KCNAB2: variants seen among roughly 807,000 people sequenced by gnomAD.
KCNAB2 encodes the protein potassium voltage-gated channel subfamily A regulatory beta subunit 2, also known as voltage-gated potassium channel subunit beta-2.
Under a neutral mutation model 63.6 loss-of-function variants are expected in KCNAB2, and 29 were observed. That is an observed-to-expected ratio of 0.46 (90% CI 0.34 to 0.62). The LOEUF (loss-of-function observed/expected upper bound fraction) is 0.62. Ranked by LOEUF, KCNAB2 falls within the 20% of genes least tolerant of loss-of-function variation. The probability of loss-of-function intolerance (pLI) is 0.01; values close to 1 mark genes in which losing one functional copy is unlikely to be tolerated. For missense variants in KCNAB2, 359 were observed against 563.9 expected, an observed-to-expected ratio of 0.64 and a Z score of 3.68; for synonymous variants, 222 against 224.2, an observed-to-expected ratio of 0.99 and a Z score of 0.09.
chr1:6,054,521 T>G (rs527754221), intron 2 of KCNAB2, among the ~76,000 whole-genome samples: 4 of 152,094 alleles, frequency 2.6e-5, no homozygotes, highest in Non-Finnish European at 5.9e-5. Context: ...TCCCAGCTAT[T>G]CGGGAGGCTG....
In KCNAB2 at chr1:6,048,142, C is replaced by G. The variant is rs562806927; in HGVS notation, c.-27+1959C>G. 2.6e-5 allele frequency among the ~76,000 whole-genome samples: 4 copies of G among 152,358 alleles called. No individual in the cohort carries two copies. In the East Asian group the frequency reaches 7.7e-4, roughly 29 times the overall value. ...TCTTGTTGTGAAGGGGGCGATTATT[C>G]ACATCTGTGTTCTCTTCCCTTAAGC... On this transcript the variant is annotated intron_variant, in intron 1 of 15. Coordinates refer to ENST00000378083, the MANE Select transcript of KCNAB2 (RefSeq NM_001199862.2).
Position 6,098,632 on chromosome 1 carries a change from G to C in KCNAB2, c.*58G>C. ...GTTCCCTCCTAGTCTCTGTTCGCTCGCTTAAGCTGTTTTGAAGCCAAGTGA... is the reference window on the plus strand; with the variant it reads ...GTTCCCTCCTAGTCTCTGTTCGCTCCCTTAAGCTGTTTTGAAGCCAAGTGA... On this transcript the variant is annotated 3_prime_UTR_variant, in exon 16 of 16. Transcript: ENST00000378083. 1.9e-6 allele frequency: 3 copies of C among 1,584,604 alleles called. No individual in the cohort carries two copies. The highest frequency in any genetic ancestry group is 2.6e-6 in the Non-Finnish European group (3 of 1,163,342).
At chr1:6,021,077 C>T (rs1172193253) in intron 1 of KCNAB2, among the ~76,000 whole-genome samples, 2 of 152,232 alleles carry the variant, frequency 1.3e-5, no homozygotes, top group South Asian at 2.1e-4. Flanking sequence ...ACTGCAGCCT[C>T]GACCTTCCAG....
intron 2 of KCNAB2, among the ~76,000 whole-genome samples, chr1:6,066,972 T>G (rs1557475611): frequency 6.6e-6 from 1 of 152,234 alleles, no homozygotes; most frequent in Non-Finnish European, 1.5e-5. Flanking sequence ...CGACCACTCA[T>G]GTCAGGAGCA....
chr1:6,063,409 ATTT>A (rs34378538), intron 2 of KCNAB2, among the ~76,000 whole-genome samples: 10,255 of 137,708 alleles, frequency 0.074, 1,104 homozygotes, highest in African/African-American at 0.25. Flanking sequence ...TGTGCCAGTA[ATTT>A]TTTTTTTTTT....
chr1:6,002,947 A>G (rs987570347), intron 1 of KCNAB2, among the ~76,000 whole-genome samples: 12 of 152,142 alleles, frequency 7.9e-5, no homozygotes, highest in Non-Finnish European at 1.6e-4. Context: ...TCCCCTCCAC[A>G]CATTTGTTCT....
chr1:6,067,756 G>A (rs1387986719), intron 2 of KCNAB2, among the ~76,000 whole-genome samples: 1 of 152,204 alleles, frequency 6.6e-6, no homozygotes, highest in African/African-American at 2.4e-5. Context: ...AGAGCCAGGA[G>A]AGGTGGCTCA....
At chr1:6,082,555 G>A (rs1413880038) in intron 5 of KCNAB2, among the ~76,000 whole-genome samples, 1 of 152,140 alleles carries the variant, frequency 6.6e-6, no homozygotes, top group Non-Finnish European at 1.5e-5. Context: ...AGGCGCGATG[G>A]AGCTGCTGTC....
At chr1:6,033,557 G>A (rs1408133932), upstream of KCNAB2, among the ~76,000 whole-genome samples, 1 of 152,224 alleles carries the variant, frequency 6.6e-6, no homozygotes, top group Non-Finnish European at 1.5e-5. Context: ...ATGCATACAA[G>A]TGAGACAAGA....
chr1:6,056,254 A>G (rs1012416399), intron 2 of KCNAB2, among the ~76,000 whole-genome samples: 4 of 152,178 alleles, frequency 2.6e-5, no homozygotes, highest in African/African-American at 9.7e-5. Flanking sequence ...CACGTTGGCC[A>G]GGCTGATCTC....
intron 15 of KCNAB2, 152 bp downstream of exon 15, chr1:6,097,509 C>A: frequency 7.2e-7 from 1 of 1,391,650 alleles, no homozygotes; most frequent in South Asian, 1.2e-5. Context: ...GGAGAGCTTG[C>A]TTTCCAGCAG....
At chr1:6,049,083 T>C (rs1661180155) in intron 1 of KCNAB2, among the ~76,000 whole-genome samples, 1 of 152,220 alleles carries the variant, frequency 6.6e-6, no homozygotes, top group African/African-American at 2.4e-5. Flanking sequence ...ATGCAACTCC[T>C]GGCATGGGAA....
Position 6,095,452 on chromosome 1 carries a change from C to T in KCNAB2, c.853+9C>T. 6.2e-7 allele frequency: 1 copy of T among 1,612,718 alleles called. No individual in the cohort carries two copies. The highest frequency in any genetic ancestry group is 8.5e-7 in the Non-Finnish European group (1 of 1,179,900). ...GCTGTTCCACAAGATAGGTGGGCAC[C>T]CTCGGGCCCCTCGCCCCGCCCCACC... On this transcript the variant is annotated intron_variant, in intron 12 of 15. Transcript: ENST00000378083.
intron 1 of KCNAB2, among the ~76,000 whole-genome samples, chr1:6,004,363 G>GC (rs1159377326): frequency 6.6e-5 from 10 of 151,994 alleles, no homozygotes; most frequent in African/African-American, 2.4e-4. Context: ...ACCCAGCTTG[G>GC]TTAGAGGGTT....
At position 6,005,417 on chromosome 1, in the gene KCNAB2, TGGA is replaced by T. The variant is rs1192070965; in HGVS notation, c.-53+12631_-53+12633del. ...TGGGAGCTGAGCTGAGGGGTGGGGG[TGGA>T]GTTGTGGGTTGTGTGAGCTGAGCTG... On this transcript the variant is annotated intron_variant, in intron 1 of 16. Coordinates refer to the KCNAB2 transcript ENST00000341524. Among the ~76,000 whole-genome samples, 59 of 60,492 alleles carry T rather than the reference TGGA, an allele frequency of 9.8e-4. 15 individuals carry two copies. Among genetic ancestry groups the T allele is most frequent in the African/African-American group, 4.8e-3 (56 of 11,586 alleles). 39.7% of individuals were successfully genotyped at this position (60,492 alleles called of 152,430 possible).
chr1:6,029,621 G>A (rs530788827), upstream of KCNAB2, among the ~76,000 whole-genome samples: 6 of 152,254 alleles, frequency 3.9e-5, no homozygotes, highest in East Asian at 1.9e-4. Context: ...TGCAGCCCCC[G>A]CTGCACACCC....
chr1:6,072,178 C>G (rs1663260167), intron 2 of KCNAB2, among the ~76,000 whole-genome samples: 1 of 152,200 alleles, frequency 6.6e-6, no homozygotes, highest in Admixed American at 6.5e-5. Flanking sequence ...CTGCCAGGCT[C>G]TGCCGCTGCT....
Position 6,015,031 on chromosome 1 carries a change from T to G in KCNAB2, c.-53+22243T>G, listed in dbSNP as rs548590306. 3.1e-3 allele frequency among the ~76,000 whole-genome samples: 439 copies of G among 142,834 alleles called. 4 individuals carry two copies. Among genetic ancestry groups the G allele is most frequent in the African/African-American group, 8.1e-3 (313 of 38,430 alleles). 93.7% of individuals were successfully genotyped at this position (142,834 alleles called of 152,430 possible). A position where few individuals can be genotyped will look rare whatever the true frequency, so the allele number is the denominator to read the frequency against. On this transcript the variant is annotated intron_variant, in intron 1 of 16. Coordinates refer to the KCNAB2 transcript ENST00000341524. ...GGTCACCTTCCTTTTTTTTTTTTTT[T>G]TTTTTTTTTTTGTTTTTTGAGATGG...
intron 1 of KCNAB2, among the ~76,000 whole-genome samples, chr1:5,993,695 G>A (rs1656729505): frequency 6.6e-6 from 1 of 152,152 alleles, no homozygotes; most frequent in Non-Finnish European, 1.5e-5. Flanking sequence ...AGCATCCCGG[G>A]GTGCTCCAGG....
Sources: gnomAD v4.1 joint callset for allele counts (sites outside exome capture counted in the v4.1 genomes callset) on GRCh38, gnomAD v4.1.1 for gene constraint, MANE v1.5 for transcripts, NCBI Gene and HGNC (gene_info 2026-07-23, HGNC 2026-07-21) for gene names.